The following FRMD4B variants were observed in gnomAD, a reference collection of about 807,000 sequenced individuals.
FRMD4B encodes FERM domain containing 4B.
FRMD4B carries 74 observed loss-of-function variants against 141.5 expected under a neutral mutation model. That is an observed-to-expected ratio of 0.52 (90% CI 0.43 to 0.63). The LOEUF (loss-of-function observed/expected upper bound fraction) is 0.63. FRMD4B is among the 30% of genes least tolerant of loss of function. The pLI is 0.00. For missense variants in FRMD4B, 1,366 were observed against 1,253.4 expected (o/e 1.09, Z -1.36); for synonymous variants, 506 against 467.9 (o/e 1.08, Z -1.05).
intron 1 of FRMD4B, chr3:69,472,303 T>G (rs1481864827): frequency 2.1e-5 from 9 of 424,880 alleles, no homozygotes; most frequent in Non-Finnish European, 4.2e-5. Context: ...CTCTGCAACT[T>G]TTTTTTTCTT....
At chr3:69,508,429 T>G (rs758082518) in intron 1 of FRMD4B, among the ~76,000 whole-genome samples, 3 of 152,186 alleles carry the variant, frequency 2.0e-5, no homozygotes, top group African/African-American at 7.2e-5. Flanking sequence ...GACAAATTAC[T>G]GTTGGGACAA....
chr3:69,335,376 T>TA (rs1702509410), intron 1 of FRMD4B, among the ~76,000 whole-genome samples: 1 of 150,682 alleles, frequency 6.6e-6, no homozygotes, highest in African/African-American at 2.4e-5. Context: ...TATTGCATTT[T>TA]TTTTTTTTTT....
chr3:69,533,923 G>C (rs1386593907), intron 1 of FRMD4B, among the ~76,000 whole-genome samples: 2 of 152,148 alleles, frequency 1.3e-5, no homozygotes, highest in African/African-American at 2.4e-5. Context: ...GGGAGACCGG[G>C]ATTTGCCTTA....
chr3:69,357,710 A>G (rs976507211), intron 1 of FRMD4B, among the ~76,000 whole-genome samples: 1 of 152,242 alleles, frequency 6.6e-6, no homozygotes, highest in African/African-American at 2.4e-5. Context: ...CAGACGCACC[A>G]TAAAATCACA....
chr3:69,209,938 T>C (rs894984077), intron 11 of FRMD4B, among the ~76,000 whole-genome samples: 14 of 152,310 alleles, frequency 9.2e-5, no homozygotes, highest in African/African-American at 3.4e-4. Context: ...ATGCTCAAGA[T>C]AGCTGTGCTT....
At chr3:69,187,986 A>G (rs2092788765) in intron 18 of FRMD4B, 69 bp from the exon 19 acceptor site, 4 of 819,314 alleles carry the variant, frequency 4.9e-6, no homozygotes, top group Non-Finnish European at 6.0e-6. Context: ...TATCTTGCCA[A>G]TACCTCAAAA....
At chr3:69,270,292 T>C (rs2093588098) in intron 5 of FRMD4B, among the ~76,000 whole-genome samples, 1 of 152,236 alleles carries the variant, frequency 6.6e-6, no homozygotes, top group African/African-American at 2.4e-5. Flanking sequence ...AATTTCTTCT[T>C]TCTGAAAAAT....
intron 5 of FRMD4B, among the ~76,000 whole-genome samples, chr3:69,274,379 C>G (rs560431609): frequency 6.6e-6 from 1 of 152,244 alleles, no homozygotes; most frequent in Admixed American, 6.5e-5. Context: ...AGACTCCCCA[C>G]CACCCCATTA....
At chr3:69,199,306 C>T (rs1283356821) in intron 11 of FRMD4B, 1 of 152,832 alleles carries the variant, frequency 6.5e-6, no homozygotes, top group Non-Finnish European at 1.5e-5. Flanking sequence ...AATAAATCTT[C>T]CTTGAACAAT....
At chr3:69,186,002 G>A (rs1402142934) in intron 19 of FRMD4B, among the ~76,000 whole-genome samples, 1 of 150,282 alleles carries the variant, frequency 6.7e-6, no homozygotes, top group African/African-American at 2.5e-5. Context: ...AGATGGTGCT[G>A]CTGCACTCCA....
intron 7 of FRMD4B, among the ~76,000 whole-genome samples, chr3:69,240,683 T>C (rs796273641): frequency 1.2e-4 from 18 of 152,256 alleles, no homozygotes; most frequent in African/African-American, 4.3e-4. Flanking sequence ...ATTCAATGTG[T>C]CTTTCCTGAT....
chr3:69,316,803 A>C (rs1163935080), intron 1 of FRMD4B, among the ~76,000 whole-genome samples: 2 of 152,212 alleles, frequency 1.3e-5, no homozygotes, highest in African/African-American at 2.4e-5. Context: ...GTTGTCCCAT[A>C]ATCCAAATAA....
chr3:69,207,843 G>A (rs2093038841), intron 11 of FRMD4B, among the ~76,000 whole-genome samples: 1 of 151,982 alleles, frequency 6.6e-6, no homozygotes, highest in Admixed American at 6.6e-5. Context: ...GACATCTGAT[G>A]GTTCTGCCTG....
At chr3:69,331,248 G>T (rs763051476) in intron 1 of FRMD4B, among the ~76,000 whole-genome samples, 1 of 152,184 alleles carries the variant, frequency 6.6e-6, no homozygotes, top group Non-Finnish European at 1.5e-5. Flanking sequence ...ACTCATTGAG[G>T]AGTCCTTAAA....
chr3:69,454,704 T>C (rs1312470208), intron 1 of FRMD4B, among the ~76,000 whole-genome samples: 1 of 152,166 alleles, frequency 6.6e-6, no homozygotes, highest in Non-Finnish European at 1.5e-5. Flanking sequence ...CAGCCCACCA[T>C]GCCTGAGCCC....
chr3:69,507,729 T>C (rs773349533), intron 1 of FRMD4B, among the ~76,000 whole-genome samples: 2 of 152,164 alleles, frequency 1.3e-5, no homozygotes. Flanking sequence ...AGGTCAAAAA[T>C]GGCCCAGGTT....
chr3:69,176,017 T>C (rs2092641648), intron 22 of FRMD4B, among the ~76,000 whole-genome samples: 1 of 152,042 alleles, frequency 6.6e-6, no homozygotes. Flanking sequence ...CCTGACCTCA[T>C]GATCCGCCCG....
At chr3:69,181,941 G>A (rs981222551) in intron 20 of FRMD4B, among the ~76,000 whole-genome samples, 4 of 152,024 alleles carry the variant, frequency 2.6e-5, no homozygotes, top group Non-Finnish European at 4.4e-5. Flanking sequence ...TGTTAGTTGC[G>A]CAAGCCAAAT....
In FRMD4B at chr3:69,179,540, A is replaced by G. The variant is rs150919963; in HGVS notation, c.2851+1359T>C. Among the ~76,000 whole-genome samples, 3 of 152,352 alleles carry G rather than the reference A, an allele frequency of 2.0e-5. No individual in the cohort carries two copies. In the East Asian group the frequency reaches 5.8e-4, roughly 29 times the overall value. On this transcript the variant is annotated intron_variant, in intron 21 of 22. Transcript: ENST00000398540. ...GATGGGACAGCCCTAGTGGAAGTCC[A>G]AAGTCCTGCACAAATAGGAGAGAAC...
Sources: allele counts gnomAD v4.1 joint callset (sites outside exome capture counted in the v4.1 genomes callset), GRCh38; gene constraint gnomAD v4.1.1; transcripts MANE v1.5; gene names NCBI Gene and HGNC (gene_info 2026-07-23, HGNC 2026-07-21).